The following ARSJ variants were observed in gnomAD, a reference collection of about 807,000 sequenced individuals.
ARSJ encodes arylsulfatase family member J, also known as arylsulfatase J.
In ARSJ, 26 loss-of-function variants were observed where a neutral mutation model predicts 35.9. The observed-to-expected ratio is 0.72, with a 90% CI of 0.53 to 1.00. The LOEUF (loss-of-function observed/expected upper bound fraction) is 1.00. Among genes scored for constraint, ARSJ ranks in the 50% least tolerant of loss-of-function variants. The probability of loss-of-function intolerance (pLI) is 0.00; values close to 1 mark genes in which losing one functional copy is unlikely to be tolerated. For synonymous variants in ARSJ, 294 were observed against 267.6 expected, an observed-to-expected ratio of 1.10 and a Z score of -0.96; for missense variants, 667 against 723.6, an observed-to-expected ratio of 0.92 and a Z score of 0.90.
In ARSJ at chr4:113,979,420, C is replaced by T. The variant is rs1333585910; in HGVS notation, c.-586G>A. ...TTTCCCAGGGCTATTTTCCCCAGTC[C>T]TTTCCTAGGCGTTTGCCAATCTCCC... On this transcript the variant is annotated 5_prime_UTR_variant, in exon 1 of 2. Coordinates refer to ENST00000315366, the MANE Select transcript of ARSJ (RefSeq NM_024590.4). The T allele has an allele frequency of 6.5e-6, 1 of 152,716 alleles. No homozygotes were observed. Among genetic ancestry groups the T allele is most frequent in the Non-Finnish European group, 1.5e-5 (1 of 68,424 alleles). 9.5% of individuals were successfully genotyped at this position (152,716 alleles called of 1,614,324 possible).
intron 1 of ARSJ, among the ~76,000 whole-genome samples, chr4:113,947,441 T>C (rs56918500): frequency 0.33 from 49,408 of 151,252 alleles, 8,555 homozygotes; most frequent in Middle Eastern, 0.39. Flanking sequence ...GATTCTGCAG[T>C]TGTACTCCAG....
At chr4:113,961,372 T>C (rs1726527333) in intron 1 of ARSJ, among the ~76,000 whole-genome samples, 1 of 152,054 alleles carries the variant, frequency 6.6e-6, no homozygotes, top group African/African-American at 2.4e-5. Flanking sequence ...GTTCTTAAAA[T>C]CTAAGAAAGG....
rs923109624 is a variant in ARSJ at position 113,903,739 on chromosome 4, T to A, written c.399-64A>T. 1.5e-5 allele frequency: 23 copies of A among 1,498,516 alleles called. No individual in the cohort carries two copies. In the African/African-American group the frequency reaches 2.4e-4, roughly 16 times the overall value. 92.8% of individuals were successfully genotyped at this position (1,498,516 alleles called of 1,614,324 possible). On this transcript the variant is annotated intron_variant, in intron 1 of 1. Transcript: ENST00000315366. ...AAAAGAGATATTCTACATAAAACAA[T>A]GATCCCTAAATTAAAAAATGTTTCT... is the stretch of plus-strand genomic sequence containing the variant.
chr4:113,903,402 T>G lies in ARSJ; in HGVS notation c.672A>C (p.Glu224Asp). ...SPGMCGYDLY[E>D]NDNAAWDYDN... ...CATAGTCCCAGGCAGCATTGTCGTT[T>G]TCATACAAGTCATAGCCACACATCC... The change falls in exon 2 of 2, where the codon GAA becomes GAC. Residue 224 changes from glutamate to aspartate, a missense_variant. By Grantham distance (45) the Glu-to-Asp change is conservative. Coordinates refer to ENST00000315366, the MANE Select transcript of ARSJ (RefSeq NM_024590.4). 6.2e-7 allele frequency: 1 copy of G among 1,614,202 alleles called. No homozygotes were observed. The highest frequency in any genetic ancestry group is 8.5e-7 in the Non-Finnish European group (1 of 1,180,034).
intron 1 of ARSJ, among the ~76,000 whole-genome samples, chr4:113,945,346 T>C (rs749384341): frequency 2.6e-5 from 4 of 152,014 alleles, no homozygotes; most frequent in Non-Finnish European, 5.9e-5. Context: ...CTATGTTGCC[T>C]AGACTGGTAT....
Position 113,916,622 on chromosome 4 carries a change from C to G in ARSJ, c.399-12947G>C, listed in dbSNP as rs561512588. On this transcript the variant is annotated intron_variant, in intron 1 of 1. Coordinates refer to ENST00000315366, the MANE Select transcript of ARSJ (RefSeq NM_024590.4). ...GCAAGTGGTGAAATCAGAACGAAAC[C>G]AAAGCAAAACATGATACCATTGCTT... Among the ~76,000 whole-genome samples the G allele has an allele frequency of 2.6e-5, 4 of 152,136 alleles. No individual in the cohort carries two copies. The South Asian group carries it at 6.2e-4, about 24-fold the overall frequency.
rs571056801 is a variant in ARSJ, at chr4:113,920,847, G to C, written c.399-17172C>G. On this transcript the variant is annotated intron_variant, in intron 1 of 1. Transcript: ENST00000315366. ...TTTAGAAGTTTTAAGTATCAATGAGGCCCAGGAAACCAGAAATGTCACATT... is the reference window on the plus strand; with the variant it reads ...TTTAGAAGTTTTAAGTATCAATGAGCCCCAGGAAACCAGAAATGTCACATT... 3.9e-5 allele frequency among the ~76,000 whole-genome samples: 6 copies of C among 152,100 alleles called. No homozygotes were observed. The East Asian group carries it at 1.2e-3, about 29-fold the overall frequency.
chr4:113,918,046 G>T (rs533067198), intron 1 of ARSJ, among the ~76,000 whole-genome samples: 1 of 152,154 alleles, frequency 6.6e-6, no homozygotes, highest in Non-Finnish European at 1.5e-5. Context: ...CAACCTATTG[G>T]TTATTGTCTG....
Position 113,926,969 on chromosome 4 carries a change from C to T in ARSJ, c.399-23294G>A, listed in dbSNP as rs560807378. Among the ~76,000 whole-genome samples the T allele has an allele frequency of 2.0e-5, 3 of 152,300 alleles. No individual in the cohort carries two copies. The South Asian group carries it at 6.2e-4, about 32-fold the overall frequency. ...CCCTATCTGCCACTGCCACCTCAAA[C>T]TCCATTGAATCTGCTGGGTCATATT... is the stretch of plus-strand genomic sequence containing the variant. On this transcript the variant is annotated intron_variant, in intron 1 of 1. Coordinates refer to ENST00000315366, the MANE Select transcript of ARSJ (RefSeq NM_024590.4).
chr4:113,942,595 G>T (rs1288838790), intron 1 of ARSJ, among the ~76,000 whole-genome samples: 1 of 151,968 alleles, frequency 6.6e-6, no homozygotes, highest in African/African-American at 2.4e-5. Flanking sequence ...TCTCCTTTAA[G>T]CACAAGGTAG....
Position 113,901,868 on chromosome 4 carries a change from CCATCA to C in ARSJ, c.*401_*405del. ...TTTTAATCATGCTACCCTGTAACTT[CCATCA>C]AATTAGCATGCTTGCGGATGGTATA... On this transcript the variant is annotated 3_prime_UTR_variant, in exon 2 of 2. Coordinates refer to ENST00000315366, the MANE Select transcript of ARSJ (RefSeq NM_024590.4). The C allele has an allele frequency of 2.6e-5, 1 of 38,230 alleles. No individual in the cohort carries two copies. The highest frequency in any genetic ancestry group is 5.9e-4 in the East Asian group (1 of 1,688). The allele number at this position is 38,230 out of a possible 1,614,324, so 2.4% of individuals were successfully genotyped here. A position where few individuals can be genotyped will look rare whatever the true frequency, so the allele number is the denominator to read the frequency against.
rs944512673 is a variant in ARSJ at position 113,958,285 on chromosome 4, G to T, written c.398+20152C>A. Among the ~76,000 whole-genome samples the T allele has an allele frequency of 2.0e-5, 3 of 152,010 alleles. No individual in the cohort carries two copies. In the East Asian group the frequency reaches 5.8e-4, roughly 29 times the overall value. ...GAAAAAATCAGCCTCCTTATTAAAT[G>T]TTGCTGTACATAAAATGTACAATGA... On this transcript the variant is annotated intron_variant, in intron 1 of 1. Transcript: ENST00000315366.
chr4:113,929,025 C>T (rs1724257914), intron 1 of ARSJ, among the ~76,000 whole-genome samples: 1 of 152,150 alleles, frequency 6.6e-6, no homozygotes, highest in South Asian at 2.1e-4. Context: ...CATTTTTTGA[C>T]TCATCGAGCT....
At chr4:113,918,278 A>T (rs1723445682) in intron 1 of ARSJ, among the ~76,000 whole-genome samples, 1 of 152,226 alleles carries the variant, frequency 6.6e-6, no homozygotes, top group Admixed American at 6.5e-5. Context: ...ATTAGAGCAG[A>T]CATTAAAGAG....
Position 113,979,197 on chromosome 4 carries a change from T to C in ARSJ, c.-363A>G, listed in dbSNP as rs1727783854. 5.7e-6 allele frequency: 1 copy of C among 176,412 alleles called. No individual in the cohort carries two copies. 10.9% of individuals were successfully genotyped at this position (176,412 alleles called of 1,614,324 possible). A position where few individuals can be genotyped will look rare whatever the true frequency, so the allele number is the denominator to read the frequency against. On this transcript the variant is annotated 5_prime_UTR_variant, in exon 1 of 2. Coordinates refer to ENST00000315366, the MANE Select transcript of ARSJ (RefSeq NM_024590.4). ...TTGAGAATCACAGTGGACAGGAACTTTTCGTGGCCAGAGCGCCCTCGACGT... is the reference window on the plus strand; with the variant it reads ...TTGAGAATCACAGTGGACAGGAACTCTTCGTGGCCAGAGCGCCCTCGACGT...
intron 1 of ARSJ, among the ~76,000 whole-genome samples, chr4:113,971,865 C>T (rs1040757280): frequency 4.6e-5 from 7 of 152,080 alleles, no homozygotes; most frequent in African/African-American, 1.4e-4. Context: ...GCATGCATGA[C>T]CATGATGTTT....
intron 1 of ARSJ, among the ~76,000 whole-genome samples, chr4:113,955,004 C>CT (rs771948398): frequency 0.042 from 5,734 of 138,102 alleles, 234 homozygotes; most frequent in African/African-American, 0.1. Context: ...TTTTTCTTTT[C>CT]TTTTTTTTTT....
intron 1 of ARSJ, among the ~76,000 whole-genome samples, chr4:113,934,043 G>A (rs1724619581): frequency 6.6e-6 from 1 of 151,748 alleles, no homozygotes; most frequent in Non-Finnish European, 1.5e-5. Context: ...TAGTAAAGTT[G>A]CAGGACACGA....
At chr4:113,914,359 C>T (rs1179370084) in intron 1 of ARSJ, among the ~76,000 whole-genome samples, 2 of 152,096 alleles carry the variant, frequency 1.3e-5, no homozygotes, top group Non-Finnish European at 2.9e-5. Context: ...CTAATATGGA[C>T]AGGACTGCCA....
Sources: gnomAD v4.1 joint callset for allele counts (sites outside exome capture counted in the v4.1 genomes callset) on GRCh38, gnomAD v4.1.1 for gene constraint, MANE v1.5 for transcripts, NCBI Gene and HGNC (gene_info 2026-07-23, HGNC 2026-07-21) for gene names.